FHAD1: variants seen among roughly 807,000 people sequenced by gnomAD.
The protein encoded by FHAD1 is forkhead-associated domain-containing protein 1.
In FHAD1, 146 loss-of-function variants were observed where a neutral mutation model predicts 191.3. The ratio of observed to expected loss-of-function variants is 0.76; its 90% CI spans 0.67 to 0.88. FHAD1 has a LOEUF of 0.88. FHAD1 is among the 40% of genes least tolerant of loss of function. The pLI is 0.00. For synonymous variants in FHAD1, 616 were observed against 672.3 expected (o/e 0.92, Z 1.29); for missense variants, 1,635 against 1,785.8 (o/e 0.92, Z 1.52).
chr1:15,266,141 G>A (rs527330808), intron 2 of FHAD1, among the ~76,000 whole-genome samples: 6 of 151,966 alleles, frequency 3.9e-5, no homozygotes, highest in South Asian at 2.1e-4. Context: ...ACAGGGTCTC[G>A]CTCTGTTGCC....
intron 26 of FHAD1, among the ~76,000 whole-genome samples, chr1:15,373,977 T>C (rs1040599353): frequency 2.6e-5 from 4 of 152,200 alleles, no homozygotes; most frequent in Non-Finnish European, 2.9e-5. Context: ...GTATAAAACA[T>C]TCCCTTCACC....
chr1:15,296,705 T>C lies in FHAD1; in HGVS notation c.590T>C (p.Leu197Pro), dbSNP rs1302590103. ...TTAGTGTGGACCAATGCCATGAAAC[T>C]GTCAGAAAAATCAGTGGCCGAGGGG... is the stretch of plus-strand genomic sequence containing the variant. ...IKQVWTNAMK[L>P]SEKSVAEGIP... Residue 197 changes from leucine (L) to proline (P), a missense_variant, in exon 5 of 34, where the codon CTG (leucine) becomes CCG (proline). Leu to Pro is a moderately conservative substitution (Grantham distance 98). Coordinates refer to ENST00000688493, the MANE Select transcript of FHAD1 (RefSeq NM_001391957.1). 6.4e-7 allele frequency: 1 copy of C among 1,552,196 alleles called. No individual in the cohort carries two copies. The highest frequency in any genetic ancestry group is 2.4e-5 in the East Asian group (1 of 40,920).
At position 15,374,608 on chromosome 1, in the gene FHAD1, A is replaced by G; in HGVS notation, c.3554A>G (p.Glu1185Gly). The change falls in exon 27 of 34, where the codon GAA becomes GGA. Residue 1185 changes from glutamate to glycine, a missense_variant. By Grantham distance (98) the Glu-to-Gly change is moderately conservative (BLOSUM62 -2). Coordinates refer to ENST00000688493, the MANE Select transcript of FHAD1 (RefSeq NM_001391957.1). The stretch of plus-strand genomic sequence containing the variant: ...TCTGAACTTCGAGCGCGAATTAAAG[A>G]ACTCGAGAAGGCGCGCTCACCAGGT... ...ALSELRARIK[E>G]LEKARSPDHK... The G allele has an allele frequency of 6.4e-7, 1 of 1,551,634 alleles. No homozygotes were observed. The highest frequency in any genetic ancestry group is 8.7e-7 in the Non-Finnish European group (1 of 1,146,984).
At chr1:15,351,926 T>A (rs752054552) in intron 19 of FHAD1, among the ~76,000 whole-genome samples, 22 of 152,172 alleles carry the variant, frequency 1.4e-4, no homozygotes, top group Non-Finnish European at 3.2e-4. Flanking sequence ...TTGTCTTTCC[T>A]TGAGGGCCAC....
chr1:15,316,416 T>C lies in FHAD1; in HGVS notation c.1209T>C (p.Ala403=), dbSNP rs10927771. The change falls in exon 9 of 34, where the codon GCT becomes GCC. Residue 403 remains alanine (A), a synonymous_variant. Transcript: ENST00000688493. This position sits in a 1 kb window ranked among gnomAD's most constrained non-coding sequence, Gnocchi z 4.3. The stretch of plus-strand genomic sequence containing the variant: ...AGGAAGAGTTAAAACAGGAAGATGC[T>C]CACAGGGAGCTCAGGGAAGCCCAGG... ...VLKEELKQED[A]HRELREAQEK... 0.013 allele frequency: 19,710 copies of C among 1,551,666 alleles called. 383 individuals are homozygous for C. Among genetic ancestry groups the C allele is most frequent in the African/African-American group, 0.091 (6,638 of 73,146 alleles).
Position 15,312,948 on chromosome 1 carries a change from G to C in FHAD1, c.1040-109G>C, listed in dbSNP as rs554669144. ...CCCATTCAAGCTCCTGGGATCCTTGGAGACACCTCCCTTCTCAGTGCCAGG... is the reference window on the plus strand; with the variant it reads ...CCCATTCAAGCTCCTGGGATCCTTGCAGACACCTCCCTTCTCAGTGCCAGG... On this transcript the variant is annotated intron_variant, in intron 7 of 33. Transcript: ENST00000688493. The surrounding 1 kb of genome is among the most constrained non-coding windows in gnomAD (Gnocchi z 4.7). 7.2e-7 allele frequency: 1 copy of C among 1,380,752 alleles called. No homozygotes were observed. Among genetic ancestry groups the C allele is most frequent in the African/African-American group, 1.4e-5 (1 of 69,084 alleles). 85.5% of individuals were successfully genotyped at this position (1,380,752 alleles called of 1,614,324 possible). A position where few individuals can be genotyped will look rare whatever the true frequency, so the allele number is the denominator to read the frequency against.
At chr1:15,293,528 A>G (rs112707497) in intron 4 of FHAD1, among the ~76,000 whole-genome samples, 2,917 of 151,948 alleles carry the variant, frequency 0.019, 33 homozygotes, top group South Asian at 0.025. Flanking sequence ...GACCAGCCTG[A>G]CTAACATGGT....
chr1:15,389,074 G>A (rs951260302), intron 32 of FHAD1, among the ~76,000 whole-genome samples: 6 of 152,184 alleles, frequency 3.9e-5, no homozygotes, highest in African/African-American at 9.7e-5. Context: ...CTTGTGCCCC[G>A]TGGAAGGGTA....
At chr1:15,366,229 G>A (rs1264752152) in intron 24 of FHAD1, among the ~76,000 whole-genome samples, 1 of 142,698 alleles carries the variant, frequency 7.0e-6, no homozygotes, top group Admixed American at 7.3e-5. Context: ...AGGTTGCAGT[G>A]AGCTGAGATC....
In FHAD1 at chr1:15,240,943, C is replaced by T. The variant is rs559390219; in HGVS notation, c.-15+4182C>T. ...CTGCACTCCAGCCAGGCTGACAGAG[C>T]GAGACTCTATCTCAAAAAAAAAAAA... On this transcript the variant is annotated intron_variant, in intron 1 of 33. Coordinates refer to the FHAD1 transcript ENST00000683790. Among the ~76,000 whole-genome samples the T allele has an allele frequency of 5.7e-5, 7 of 122,522 alleles. No individual in the cohort carries two copies. The South Asian group carries it at 1.3e-3, about 24-fold the overall frequency. The allele number at this position is 122,522 out of a possible 152,430, so 80.4% of individuals were successfully genotyped here.
chr1:15,385,014 G>A (rs572759794), intron 31 of FHAD1, among the ~76,000 whole-genome samples: 16 of 150,162 alleles, frequency 1.1e-4, no homozygotes, highest in East Asian at 2.0e-4. Context: ...GATGCACCCC[G>A]CCTACTCCAT....
Position 15,380,840 on chromosome 1 carries a change from G to A in FHAD1, c.3801+44G>A, listed in dbSNP as rs1194177884. Reference sequence around the variant, plus strand: ...CACCCTGCTCCTATCCAAAGCCTGGGGCCCCTGCAGTCAGTGTTGAACGCA... The same window carrying A: ...CACCCTGCTCCTATCCAAAGCCTGGAGCCCCTGCAGTCAGTGTTGAACGCA... On this transcript the variant is annotated intron_variant, in intron 29 of 33. Transcript: ENST00000688493. The A allele has an allele frequency of 6.9e-6, 10 of 1,449,950 alleles. 1 individual carries two copies. Among genetic ancestry groups the A allele is most frequent in the Middle Eastern group, 2.0e-4 (1 of 4,966 alleles). 89.8% of individuals were successfully genotyped at this position (1,449,950 alleles called of 1,614,324 possible). A position where few individuals can be genotyped will look rare whatever the true frequency, so the allele number is the denominator to read the frequency against.
At chr1:15,260,959 A>G (rs1364307952) in intron 2 of FHAD1, among the ~76,000 whole-genome samples, 1 of 152,230 alleles carries the variant, frequency 6.6e-6, no homozygotes, top group African/African-American at 2.4e-5. Flanking sequence ...CATTCTGCCA[A>G]TCACAGTTAT....
At chr1:15,322,189 G>T (rs1676547459) in intron 10 of FHAD1, among the ~76,000 whole-genome samples, 1 of 152,142 alleles carries the variant, frequency 6.6e-6, no homozygotes, top group Non-Finnish European at 1.5e-5. Flanking sequence ...TAGTTTTGGA[G>T]TGTGGGCTGT....
downstream of FHAD1, among the ~76,000 whole-genome samples, chr1:15,398,784 C>CA (rs5772639): frequency 0.46 from 61,081 of 133,564 alleles, 13,372 homozygotes; most frequent in Non-Finnish European, 0.5. Context: ...GCCAGGCAGC[C>CA]AAAAAAAAAA....
In FHAD1 at chr1:15,279,502, T is replaced by A. The variant is rs888562769; in HGVS notation, c.300+6973T>A. On this transcript the variant is annotated intron_variant, in intron 3 of 33. Transcript: ENST00000688493. ...TTTCTCTGTACCGGGAGTTTCTTCC[T>A]TCTGTCTTCTTCCTTCTTTCTTGCC... 2.0e-5 allele frequency among the ~76,000 whole-genome samples: 3 copies of A among 150,218 alleles called. No homozygotes were observed. The East Asian group carries it at 5.9e-4, about 29-fold the overall frequency.
At chr1:15,344,379 T>C (rs908505600) in intron 16 of FHAD1, among the ~76,000 whole-genome samples, 13 of 152,246 alleles carry the variant, frequency 8.5e-5, no homozygotes, top group Admixed American at 5.2e-4. Context: ...CTTTTCTTAT[T>C]GCCAGTTGTT....
intron 11 of FHAD1, 121 bp from the exon 12 acceptor site, chr1:15,326,938 A>G: frequency 1.6e-6 from 1 of 628,068 alleles, no homozygotes; most frequent in South Asian, 1.9e-5. Flanking sequence ...ATAACGCGGA[A>G]TGGTCATTCA....
At chr1:15,254,910 C>T (rs1927189) in intron 2 of FHAD1, among the ~76,000 whole-genome samples, 88,736 of 151,566 alleles carry the variant, frequency 0.59, 26,233 homozygotes, top group East Asian at 0.7. Flanking sequence ...CTGAAAGCTA[C>T]AGGCATGTCC....
Sources: allele counts gnomAD v4.1 joint callset (sites outside exome capture counted in the v4.1 genomes callset), GRCh38; gene constraint gnomAD v4.1.1; non-coding constraint Gnocchi (gnomAD v3.1); transcripts MANE v1.5; gene names NCBI Gene and HGNC (gene_info 2026-07-23, HGNC 2026-07-21).